The following PM20D2 variants were observed in gnomAD, a reference collection of about 807,000 sequenced individuals.
PM20D2 encodes peptidase M20 domain containing 2, also known as xaa-Arg dipeptidase.
PM20D2 carries 33 observed loss-of-function variants against 42.9 expected under a neutral mutation model. The observed-to-expected ratio is 0.77, with a 90% CI of 0.58 to 1.03. The LOEUF (loss-of-function observed/expected upper bound fraction) is 1.03. Ranked by LOEUF, PM20D2 falls within the 50% of genes least tolerant of loss-of-function variation. PM20D2 has a pLI of 0.00. For synonymous variants in PM20D2, 250 were observed against 228.2 expected (o/e 1.10, Z -0.86); for missense variants, 548 against 557.0 (o/e 0.98, Z 0.16).
At chr6:89,143,253 A>T (rs765794582), upstream of PM20D2, among the ~76,000 whole-genome samples, 8 of 152,196 alleles carry the variant, frequency 5.3e-5, no homozygotes, top group Non-Finnish European at 8.8e-5. Flanking sequence ...GCCCAAAATA[A>T]TACCCAGTAT....
the PM20D2 span, among the ~76,000 whole-genome samples, chr6:89,127,841 C>T: frequency 6.6e-6 from 1 of 152,178 alleles, no homozygotes. Context: ...GGAGCCGCAG[C>T]AGAGGAACAT....
At chr6:89,102,869 A>G in the PM20D2 span, among the ~76,000 whole-genome samples, 1 of 152,120 alleles carries the variant, frequency 6.6e-6, no homozygotes, top group Admixed American at 6.5e-5. Flanking sequence ...CTCACACCTC[A>G]GTCCACCCTC....
the PM20D2 span, chr6:89,106,987 T>TG: frequency 1.4e-6 from 1 of 727,478 alleles, no homozygotes. Flanking sequence ...TGGTTCAAAC[T>TG]GGGGGGTGCT....
the PM20D2 span, among the ~76,000 whole-genome samples, chr6:89,139,106 T>TA: frequency 8.5e-5 from 13 of 152,190 alleles, no homozygotes; most frequent in African/African-American, 3.1e-4. Context: ...GCTTTTTTTT[T>TA]AGAGACCTAG....
At chr6:89,154,620 A>T (rs1770968829) in intron 3 of PM20D2, 128 bp from the exon 4 acceptor site, 1 of 602,726 alleles carries the variant, frequency 1.7e-6, no homozygotes, top group East Asian at 3.0e-5. Context: ...TGATTGGTGT[A>T]TTGGTGGAGC....
At chr6:89,125,429 G>A in the PM20D2 span, among the ~76,000 whole-genome samples, 4 of 151,172 alleles carry the variant, frequency 2.6e-5, no homozygotes, top group East Asian at 2.0e-4. Flanking sequence ...GCAGTGAGCC[G>A]AGACCGCGCC....
At chr6:89,105,577 A>C in the PM20D2 span, 2 of 1,345,824 alleles carry the variant, frequency 1.5e-6, no homozygotes, top group Non-Finnish European at 2.0e-6. Flanking sequence ...TCAAGTAAAC[A>C]TATTTTAAAA....
At chr6:89,155,478 C>T (rs1771013405) in intron 4 of PM20D2, among the ~76,000 whole-genome samples, 1 of 151,338 alleles carries the variant, frequency 6.6e-6, no homozygotes, top group Admixed American at 6.6e-5. Flanking sequence ...TTTCTGGAGA[C>T]AGGGTCTCAC....
At chr6:89,131,586 G>A in the PM20D2 span, among the ~76,000 whole-genome samples, 1 of 152,048 alleles carries the variant, frequency 6.6e-6, no homozygotes, top group African/African-American at 2.4e-5. Flanking sequence ...CTCTACTGGT[G>A]GCCTACTTAG....
intron 1 of PM20D2, 123 bp downstream of exon 1, chr6:89,146,732 G>A: frequency 1.3e-6 from 1 of 766,118 alleles, no homozygotes; most frequent in Non-Finnish European, 1.9e-6. Context: ...AGGTGTGTGT[G>A]GGACCGCGCT....
chr6:89,151,880 G>A (rs907837137), intron 2 of PM20D2, among the ~76,000 whole-genome samples: 3 of 151,956 alleles, frequency 2.0e-5, no homozygotes, highest in Non-Finnish European at 2.9e-5. Context: ...TTGAGCCCAG[G>A]AGTTCATGAC....
chr6:89,154,954 G>T (rs758803187), intron 4 of PM20D2, 52 bp downstream of exon 4: 7 of 1,401,194 alleles, frequency 5.0e-6, no homozygotes. Context: ...ATATATGTGG[G>T]CTAGCACTGT....
the PM20D2 span, among the ~76,000 whole-genome samples, chr6:89,095,526 A>G: frequency 2.0e-5 from 3 of 152,384 alleles, no homozygotes; most frequent in South Asian, 6.2e-4. Context: ...GTATTTCTAC[A>G]TACCTTTAAA....
chr6:89,144,006 AACAAAAGAGTT>A (rs1451795695), upstream of PM20D2, among the ~76,000 whole-genome samples: 2 of 152,252 alleles, frequency 1.3e-5, no homozygotes, highest in African/African-American at 4.8e-5. Flanking sequence ...GCAGTGGGAA[AACAAAAGAGTT>A]TAAAGCCTGG....
Position 89,154,763 on chromosome 6 carries a change from G to C in PM20D2, c.773G>C (p.Gly258Ala), listed in dbSNP as rs996854046. ...CTTTTTATAGGTATAATAAAAAATG[G>C]TGGTGTAAAACCCAATATCATTCCC... Reference protein sequence around the residue: ...TWRVHGIIKNGGVKPNIIPSY... With the variant: ...TWRVHGIIKNAGVKPNIIPSY... Residue 258 changes from glycine (G) to alanine (A), a missense_variant, in exon 4 of 7, where the codon GGT becomes GCT. Transcript: ENST00000275072. 2 of 1,538,800 alleles carry C rather than the reference G, an allele frequency of 1.3e-6. No homozygotes were observed. Among genetic ancestry groups the C allele is most frequent in the Non-Finnish European group, 1.8e-6 (2 of 1,141,524 alleles).
the PM20D2 span, among the ~76,000 whole-genome samples, chr6:89,126,276 T>G: frequency 6.6e-6 from 1 of 151,930 alleles, no homozygotes; most frequent in African/African-American, 2.4e-5. Flanking sequence ...GCATCTGTAG[T>G]CCCAGCTACT....
At chr6:89,142,849 G>A (rs955400827), upstream of PM20D2, among the ~76,000 whole-genome samples, 2 of 151,858 alleles carry the variant, frequency 1.3e-5, no homozygotes, top group Non-Finnish European at 2.9e-5. Context: ...TAGTAGAGAC[G>A]GGGTTTCACC....
Position 89,154,842 on chromosome 6 carries a change from A to G in PM20D2, c.852A>G (p.Gln284=), listed in dbSNP as rs61742292. 17 of 1,609,534 alleles carry G rather than the reference A, an allele frequency of 1.1e-5. No homozygotes were observed. In the African/African-American group the frequency reaches 1.6e-4, roughly 15 times the overall value. ...YFRAPSMKEL[Q]VLTKKAEDCF... ...GTGCACCCTCAATGAAAGAACTTCA[A>G]GTTTTGACCAAAAAGGCAGAAGATT... Residue 284 remains glutamine, a synonymous_variant, in exon 4 of 7, where the codon CAA becomes CAG. Transcript: ENST00000275072.
the PM20D2 span, among the ~76,000 whole-genome samples, chr6:89,133,368 A>G: frequency 1.3e-5 from 2 of 151,276 alleles, no homozygotes; most frequent in Admixed American, 1.3e-4. Context: ...TTCTCTATAC[A>G]TAAGTATAGA....
Sources: gnomAD v4.1 joint callset for allele counts (sites outside exome capture counted in the v4.1 genomes callset) on GRCh38, gnomAD v4.1.1 for gene constraint, MANE v1.5 for transcripts, NCBI Gene and HGNC (gene_info 2026-07-23, HGNC 2026-07-21) for gene names.